UBE3A: variants seen among roughly 807,000 people sequenced by gnomAD.
The protein encoded by UBE3A is ubiquitin-protein ligase E3A.
UBE3A carries 6 observed loss-of-function variants against 83.4 expected under a neutral mutation model. The observed-to-expected ratio is 0.07, with a 90% CI of 0.04 to 0.14. The LOEUF is 0.14. UBE3A is among the 10% of genes least tolerant of loss of function. The pLI, the probability that UBE3A is intolerant of heterozygous loss-of-function variation, is 1.00. For missense variants in UBE3A, 456 were observed against 1,036.1 expected, an observed-to-expected ratio of 0.44 and a Z score of 7.69; for synonymous variants, 337 against 355.4, an observed-to-expected ratio of 0.95 and a Z score of 0.58.
intron 4 of UBE3A, among the ~76,000 whole-genome samples, chr15:25,388,136 C>CA (rs1223740896): frequency 2.6e-5 from 4 of 152,072 alleles, no homozygotes; most frequent in Admixed American, 6.6e-5. Flanking sequence ...CTCTAATACC[C>CA]AAACCAGACA....
At chr15:25,349,259 A>C (rs1234516674) in intron 11 of UBE3A, among the ~76,000 whole-genome samples, 1 of 152,210 alleles carries the variant, frequency 6.6e-6, no homozygotes, top group African/African-American at 2.4e-5. Context: ...AGCATCACAA[A>C]ATTTTATTGG....
At chr15:25,403,530 A>G (rs1327087046) in intron 4 of UBE3A, among the ~76,000 whole-genome samples, 1 of 152,182 alleles carries the variant, frequency 6.6e-6, no homozygotes, top group Non-Finnish European at 1.5e-5. Context: ...AAATAGGTAC[A>G]GTTGCTCTGG....
intron 1 of UBE3A, among the ~76,000 whole-genome samples, chr15:25,413,609 A>G (rs2090383527): frequency 6.6e-6 from 1 of 152,178 alleles, no homozygotes; most frequent in South Asian, 2.1e-4. Flanking sequence ...CTGCTTTCAA[A>G]TAATACTTGC....
At chr15:25,341,090 G>T (rs555908195) in intron 11 of UBE3A, among the ~76,000 whole-genome samples, 141 of 149,312 alleles carry the variant, frequency 9.4e-4, no homozygotes, top group African/African-American at 3.3e-3. Context: ...TTTTTTTTGA[G>T]ACAGAGTCTT....
rs187384186 is a variant in UBE3A, at chr15:25,434,920, G to C, written c.-165+3569C>G. On this transcript the variant is annotated intron_variant, in intron 1 of 12. Transcript: ENST00000648336. ...ATGATAATCATGCCCCCCAAAATTA[G>C]AGTATTTGAAGACAACTGCCGGAGT... is the stretch of plus-strand genomic sequence containing the variant. Among the ~76,000 whole-genome samples, 203 of 151,554 alleles carry C rather than the reference G, an allele frequency of 1.3e-3. 1 individual carries two copies. The highest frequency in any genetic ancestry group is 4.8e-3 in the African/African-American group (198 of 41,284).
At chr15:25,346,809 T>C (rs1281338923) in intron 11 of UBE3A, 5 of 151,764 alleles carry the variant, frequency 3.3e-5, no homozygotes, top group Admixed American at 6.6e-5. Flanking sequence ...AGAGAGAAAA[T>C]AGACTGAAAA....
At chr15:25,410,299 C>T (rs557587636) in intron 2 of UBE3A, among the ~76,000 whole-genome samples, 1 of 152,178 alleles carries the variant, frequency 6.6e-6, no homozygotes, top group African/African-American at 2.4e-5. Flanking sequence ...CTTTTTAACC[C>T]CTTACATGGC....
intron 1 of UBE3A, among the ~76,000 whole-genome samples, chr15:25,430,954 C>G (rs566424871): frequency 3.2e-4 from 48 of 152,212 alleles, no homozygotes; most frequent in African/African-American, 9.9e-4. Context: ...AAGATCTTTT[C>G]ATTTTTACAA....
intron 4 of UBE3A, among the ~76,000 whole-genome samples, chr15:25,392,301 T>C (rs2084580892): frequency 3.9e-5 from 6 of 152,204 alleles, no homozygotes; most frequent in Admixed American, 3.9e-4. Flanking sequence ...TTGGAAATTA[T>C]TGACTTTTGG....
intron 11 of UBE3A, among the ~76,000 whole-genome samples, chr15:25,340,605 C>T (rs772357447): frequency 6.6e-6 from 1 of 152,080 alleles, no homozygotes; most frequent in Non-Finnish European, 1.5e-5. Flanking sequence ...GAAAAATTAA[C>T]TCCAGGTGCC....
At chr15:25,417,422 A>G (rs958759013) in intron 1 of UBE3A, among the ~76,000 whole-genome samples, 1 of 152,134 alleles carries the variant, frequency 6.6e-6, no homozygotes, top group South Asian at 2.1e-4. Context: ...ATCTTAAAAA[A>G]TCATTAAATA....
chr15:25,411,717 C>T (rs1398393541), intron 2 of UBE3A, among the ~76,000 whole-genome samples, 191 bp downstream of exon 2: 2 of 152,164 alleles, frequency 1.3e-5, no homozygotes, highest in Non-Finnish European at 2.9e-5. Flanking sequence ...TCTCATAGCA[C>T]ACTAATCTCT....
chr15:25,423,436 C>A (rs118137667), intron 1 of UBE3A, among the ~76,000 whole-genome samples: 2,394 of 152,252 alleles, frequency 0.016, 37 homozygotes, highest in Middle Eastern at 0.024. Context: ...TTGTAGGAAT[C>A]TACCTTACAG....
At chr15:25,438,356 C>A (rs1273897714) in intron 1 of UBE3A, 133 bp downstream of exon 1, 1 of 152,392 alleles carries the variant, frequency 6.6e-6, no homozygotes, top group African/African-American at 2.4e-5. Flanking sequence ...TCGGACCACG[C>A]GCCCCCAAAC....
At chr15:25,356,972 TAAA>T in intron 7 of UBE3A, 76 bp from the exon 8 acceptor site, 1 of 1,238,056 alleles carries the variant, frequency 8.1e-7, no homozygotes, top group Non-Finnish European at 1.2e-6. Flanking sequence ...AATATAAACT[TAAA>T]ATAATTATGC....
rs907366414 is a variant in UBE3A at position 25,337,987 on chromosome 15, A to G, written c.*1150T>C. 1 of 152,200 alleles carries G rather than the reference A, an allele frequency of 6.6e-6. No individual in the cohort carries two copies. Among genetic ancestry groups the G allele is most frequent in the East Asian group, 1.9e-4 (1 of 5,178 alleles). The allele number at this position is 152,200 out of a possible 1,614,324, so 9.4% of individuals were successfully genotyped here. On this transcript the variant is annotated 3_prime_UTR_variant, in exon 13 of 13. Transcript: ENST00000648336. ...GGGGCTATACAATGTAATTCTTAGG[A>G]GTAATAGTTTCATTCATTTCCAGGT...
chr15:25,346,433 T>C (rs1483316472), intron 11 of UBE3A: 1 of 149,748 alleles, frequency 6.7e-6, no homozygotes, highest in African/African-American at 2.5e-5. Flanking sequence ...AGTTAAAATT[T>C]TTAAAAAGTA....
At chr15:25,380,278 A>T (rs2081960465) in intron 4 of UBE3A, among the ~76,000 whole-genome samples, 1 of 152,014 alleles carries the variant, frequency 6.6e-6, no homozygotes, top group African/African-American at 2.4e-5. Flanking sequence ...CTTTATCAGC[A>T]GCGTGAAAAA....
Position 25,339,063 on chromosome 15 carries a change from A to G in UBE3A, c.*74T>C, listed in dbSNP as rs2074266772. 3 of 1,434,548 alleles carry G rather than the reference A, an allele frequency of 2.1e-6. No individual in the cohort carries two copies. The highest frequency in any genetic ancestry group is 2.7e-6 in the Non-Finnish European group (3 of 1,094,730). The allele number at this position is 1,434,548 out of a possible 1,614,324, so 88.9% of individuals were successfully genotyped here. On this transcript the variant is annotated 3_prime_UTR_variant, in exon 13 of 13. Coordinates refer to ENST00000648336, the MANE Select transcript of UBE3A (RefSeq NM_130839.5). ...CACCACCAAAAATTTATCCCTCGTT[A>G]TATTTTTAAAATTTTTTAAATTTTT...
Sources: gnomAD v4.1 joint callset for allele counts (sites outside exome capture counted in the v4.1 genomes callset) on GRCh38, gnomAD v4.1.1 for gene constraint, MANE v1.5 for transcripts, NCBI Gene and HGNC (gene_info 2026-07-23, HGNC 2026-07-21) for gene names.